The following RTL4 variants were observed in gnomAD, a reference collection of about 807,000 sequenced individuals.
RTL4 encodes retrotransposon Gag-like protein 4.
Under a neutral mutation model 5.3 loss-of-function variants are expected in RTL4, and 4 were observed. The ratio of observed to expected loss-of-function variants is 0.75; its 90% CI spans 0.37 to 1.72. RTL4 has a LOEUF of 1.72. Among genes scored for constraint, RTL4 ranks in the 40% most tolerant of loss-of-function variants. RTL4 has a pLI of 0.04. For synonymous variants in RTL4, 98 were observed against 87.3 expected (o/e 1.12, Z -0.68); for missense variants, 260 against 227.1 (o/e 1.14, Z -0.93).
the RTL4 span, among the ~76,000 whole-genome samples, chrX:112,277,039 T>TA: frequency 9.0e-6 from 1 of 111,537 alleles, no homozygotes; most frequent in Non-Finnish European, 1.9e-5. Flanking sequence ...AAGAAGGAAA[T>TA]AAAAAATAAG....
the RTL4 span, among the ~76,000 whole-genome samples, chrX:112,193,058 T>C: frequency 8.9e-6 from 1 of 112,077 alleles, no homozygotes; most frequent in Non-Finnish European, 1.9e-5. Context: ...TATTCGTCAG[T>C]ATTTTGATTA....
At chrX:112,434,216 C>A in the RTL4 span, among the ~76,000 whole-genome samples, 266 of 106,242 alleles carry the variant, frequency 2.5e-3, 1 homozygote, top group African/African-American at 8.3e-3. Context: ...TGTCTCTGCC[C>A]GGCTTTGGTA....
the RTL4 span, among the ~76,000 whole-genome samples, chrX:112,263,129 A>C: frequency 9.4e-6 from 1 of 106,704 alleles, no homozygotes; most frequent in East Asian, 3.0e-4. Context: ...GGTGCAACAC[A>C]CCAACATGGC....
the RTL4 span, among the ~76,000 whole-genome samples, chrX:112,267,692 T>C: frequency 1.8e-5 from 2 of 111,673 alleles, no homozygotes; most frequent in African/African-American, 6.5e-5. Context: ...CCAAACATGT[T>C]TCTCCTATAG....
Position 112,456,677 on chromosome X carries a change from A to C in RTL4, c.*1016A>C, listed in dbSNP as rs971896393. The stretch of plus-strand genomic sequence containing the variant: ...GTAGTTTCTAACTCTAGAAGCCTCA[A>C]TGTAGTCACCATCTAGGATTACTAC... On this transcript the variant is annotated 3_prime_UTR_variant, in exon 1 of 1. Coordinates refer to ENST00000340433, the Ensembl canonical transcript of RTL4. The C allele has an allele frequency of 1.8e-5, 4 of 217,037 alleles. No homozygotes were observed. In the South Asian group the frequency reaches 1.2e-3, roughly 63 times the overall value. 17.9% of individuals were successfully genotyped at this position (217,037 alleles called of 1,213,427 possible).
chrX:112,432,266 A>G, the RTL4 span, among the ~76,000 whole-genome samples: 1 of 98,877 alleles, frequency 1.0e-5, no homozygotes, highest in Non-Finnish European at 2.1e-5. Context: ...TGGCTGGGTC[A>G]AATGGTATTT....
upstream of RTL4, among the ~76,000 whole-genome samples, chrX:112,451,016 A>T (rs775006450): frequency 1.8e-5 from 2 of 111,215 alleles, no homozygotes; most frequent in African/African-American, 6.5e-5. Flanking sequence ...CTATTCAGAC[A>T]TTTTTTTTCC....
chrX:112,402,178 C>T, the RTL4 span, among the ~76,000 whole-genome samples: 2 of 111,822 alleles, frequency 1.8e-5, no homozygotes, highest in Non-Finnish European at 3.8e-5. Context: ...TATTGTACTT[C>T]CTCAGGATAC....
chrX:112,222,740 A>G, the RTL4 span, among the ~76,000 whole-genome samples: 3 of 106,606 alleles, frequency 2.8e-5, no homozygotes, highest in Non-Finnish European at 3.9e-5. Context: ...CTTAAGAAAG[A>G]AAAAAAAAAA....
At chrX:112,343,016 G>A in the RTL4 span, among the ~76,000 whole-genome samples, 1 of 111,546 alleles carries the variant, frequency 9.0e-6, no homozygotes, top group Admixed American at 9.5e-5. Context: ...CAGAAGAATC[G>A]CTTGAACCCG....
the RTL4 span, among the ~76,000 whole-genome samples, chrX:112,122,509 A>T: frequency 2.7e-5 from 3 of 110,441 alleles, no homozygotes; most frequent in East Asian, 8.5e-4. Context: ...AATAAATAAG[A>T]CCTAGTATTT....
At position 112,456,237 on chromosome X, in the gene RTL4, C is replaced by T. The variant is rs115792396; in HGVS notation, c.*576C>T. The T allele has an allele frequency of 7.8e-3, 2,384 of 305,627 alleles. 47 individuals carry two copies. The highest frequency in any genetic ancestry group is 0.06 in the African/African-American group (2,170 of 36,400). 25.2% of individuals were successfully genotyped at this position (305,627 alleles called of 1,213,427 possible). ...CAGCATAAATCAACCTTCCTGGAACCACAGCTCTGCCACCCTTCCATAGAG... is the reference window on the plus strand; with the variant it reads ...CAGCATAAATCAACCTTCCTGGAACTACAGCTCTGCCACCCTTCCATAGAG... On this transcript the variant is annotated 3_prime_UTR_variant, in exon 1 of 1. Coordinates refer to ENST00000340433, the Ensembl canonical transcript of RTL4.
chrX:112,195,795 G>T, the RTL4 span, among the ~76,000 whole-genome samples: 1 of 111,142 alleles, frequency 9.0e-6, no homozygotes, highest in African/African-American at 3.3e-5. Context: ...TTTAGTTCTG[G>T]TACCTCATTA....
the RTL4 span, among the ~76,000 whole-genome samples, chrX:112,160,267 A>G: frequency 4.5e-5 from 5 of 111,476 alleles, no homozygotes; most frequent in Non-Finnish European, 7.5e-5. Context: ...GTGTGTCCCT[A>G]CTTTGCTAGA....
the RTL4 span, among the ~76,000 whole-genome samples, chrX:112,127,480 A>T: frequency 8.9e-6 from 1 of 111,945 alleles, no homozygotes; most frequent in African/African-American, 3.2e-5. Flanking sequence ...CACATGTTTA[A>T]TGGAGAAAGA....
chrX:112,196,419 C>T, the RTL4 span, among the ~76,000 whole-genome samples: 588 of 111,879 alleles, frequency 5.3e-3, 3 homozygotes, highest in African/African-American at 0.018. Flanking sequence ...TAGTTTTTAG[C>T]TATCATGAAT....
the RTL4 span, among the ~76,000 whole-genome samples, chrX:112,110,146 CT>C: frequency 8.9e-6 from 1 of 111,904 alleles, no homozygotes; most frequent in African/African-American, 3.3e-5. Flanking sequence ...TTTCGGAATC[CT>C]TTTCCTGTAA....
chrX:112,166,371 GGACAAGAGTCAGT>G, the RTL4 span, among the ~76,000 whole-genome samples: 4 of 111,856 alleles, frequency 3.6e-5, no homozygotes, highest in Non-Finnish European at 7.5e-5. Flanking sequence ...ACTAGCAAGG[GGACAAGAGTCAGT>G]GAGCTCAGAT....
the RTL4 span, among the ~76,000 whole-genome samples, chrX:112,230,301 G>C: frequency 8.9e-6 from 1 of 112,305 alleles, no homozygotes; most frequent in African/African-American, 3.2e-5. Flanking sequence ...AGTGAGTGAG[G>C]CTCCGTGGGC....
Sources: allele counts gnomAD v4.1 joint callset (sites outside exome capture counted in the v4.1 genomes callset), GRCh38; gene constraint gnomAD v4.1.1; transcripts MANE v1.5; gene names NCBI Gene and HGNC (gene_info 2026-07-23, HGNC 2026-07-21).